The following ANKRD45 variants were observed in gnomAD, a reference collection of about 807,000 sequenced individuals.
ANKRD45 encodes ankyrin repeat domain 45, also known as ankyrin repeat domain-containing protein 45.
Under a neutral mutation model 28.1 loss-of-function variants are expected in ANKRD45, and 21 were observed. The observed-to-expected ratio is 0.75, with a 90% CI of 0.53 to 1.08. The LOEUF is 1.08. Ranked by LOEUF, ANKRD45 falls within the 50% of genes least tolerant of loss-of-function variation. The probability of loss-of-function intolerance (pLI) is 0.00; values close to 1 mark genes in which losing one functional copy is unlikely to be tolerated. For synonymous variants in ANKRD45, 86 were observed against 103.9 expected, an observed-to-expected ratio of 0.83 and a Z score of 1.05; for missense variants, 261 against 308.7, an observed-to-expected ratio of 0.85 and a Z score of 1.16.
At chr1:173,693,712 A>G in the ANKRD45 span, among the ~76,000 whole-genome samples, 1 of 152,246 alleles carries the variant, frequency 6.6e-6, no homozygotes, top group African/African-American at 2.4e-5. Flanking sequence ...TATGGATATA[A>G]AGAGATGTCA....
intron 2 of ANKRD45, among the ~76,000 whole-genome samples, chr1:173,651,195 A>T (rs1558138382): frequency 6.6e-6 from 1 of 152,172 alleles, no homozygotes; most frequent in African/African-American, 2.4e-5. Context: ...GGTAATGCCT[A>T]GGTTTTCTTC....
intron 3 of ANKRD45, chr1:173,637,158 A>G: frequency 2.7e-6 from 2 of 745,556 alleles, no homozygotes; most frequent in Non-Finnish European, 4.2e-6. Context: ...TCTTTACTAA[A>G]ATTTTCCAAA....
the ANKRD45 span, among the ~76,000 whole-genome samples, chr1:173,707,603 G>A: frequency 1.3e-5 from 2 of 152,122 alleles, no homozygotes; most frequent in Non-Finnish European, 2.9e-5. Context: ...AAAGTGCTGG[G>A]ATTACAGGCA....
the ANKRD45 span, among the ~76,000 whole-genome samples, chr1:173,701,667 C>T: frequency 6.6e-6 from 1 of 151,972 alleles, no homozygotes; most frequent in Non-Finnish European, 1.5e-5. Flanking sequence ...CGGGGCCTGT[C>T]GTGAGGTCGG....
rs1261227280 is a variant in ANKRD45 at position 173,608,552 on chromosome 1, CA to C, written c.*1592del. The stretch of plus-strand genomic sequence containing the variant: ...CAGGCTTGTCTCAAACCGCTGACCT[CA>C]GGTGATCCGCCTGCCTTGGCCTCCC... On this transcript the variant is annotated 3_prime_UTR_variant, in exon 6 of 6. Coordinates refer to ENST00000333279, the MANE Select transcript of ANKRD45 (RefSeq NM_198493.3). Among the ~76,000 whole-genome samples, 5 of 151,886 alleles carry C rather than the reference CA, an allele frequency of 3.3e-5. No homozygotes were observed. Among genetic ancestry groups the C allele is most frequent in the Non-Finnish European group, 7.4e-5 (5 of 68,008 alleles).
At chr1:173,674,356 T>A (rs1048856373), upstream of ANKRD45, among the ~76,000 whole-genome samples, 24 of 152,128 alleles carry the variant, frequency 1.6e-4, no homozygotes, top group Non-Finnish European at 2.9e-4. Context: ...TTTGGCTTTT[T>A]TTTTTTCCAC....
chr1:173,697,236 A>T, the ANKRD45 span, among the ~76,000 whole-genome samples: 2 of 152,230 alleles, frequency 1.3e-5, no homozygotes, highest in East Asian at 3.8e-4. Context: ...GCTAGAAAAC[A>T]TTCTTCAGGA....
chr1:173,649,295 T>C (rs532993941), intron 2 of ANKRD45, among the ~76,000 whole-genome samples: 110 of 152,284 alleles, frequency 7.2e-4, no homozygotes, highest in African/African-American at 2.6e-3. Context: ...ATAAGTGTTC[T>C]CAAAAGGGAT....
chr1:173,624,141 T>C (rs1465086104), intron 5 of ANKRD45, among the ~76,000 whole-genome samples: 3 of 151,824 alleles, frequency 2.0e-5, no homozygotes, highest in African/African-American at 4.8e-5. Context: ...TAAATATAAA[T>C]AAAATAAAAT....
chr1:173,688,628 TCCTCTTTCTG>T, the ANKRD45 span, among the ~76,000 whole-genome samples: 4,598 of 134,200 alleles, frequency 0.034, 341 homozygotes, highest in Non-Finnish European at 0.053. Flanking sequence ...CTCCGCCTCT[TCCTCTTTCTG>T]CCTCTTTCCT....
intron 3 of ANKRD45, among the ~76,000 whole-genome samples, chr1:173,632,615 A>G (rs1467876408): frequency 1.3e-5 from 2 of 152,024 alleles, no homozygotes; most frequent in African/African-American, 2.4e-5. Context: ...ACAAAATGCT[A>G]TCAAACTGAA....
chr1:173,627,342 T>C (rs886291602), intron 3 of ANKRD45, among the ~76,000 whole-genome samples, 183 bp from the exon 4 acceptor site: 1 of 152,176 alleles, frequency 6.6e-6, no homozygotes, highest in African/African-American at 2.4e-5. Flanking sequence ...TAGCTCCTTT[T>C]AACATCATAT....
intron 3 of ANKRD45, among the ~76,000 whole-genome samples, chr1:173,637,958 T>C (rs1668528418): frequency 1.3e-5 from 2 of 151,956 alleles, no homozygotes; most frequent in Admixed American, 6.5e-5. Context: ...AGGAATATAG[T>C]TGGATTCTCA....
intron 3 of ANKRD45, among the ~76,000 whole-genome samples, chr1:173,643,157 T>C (rs2102353492): frequency 6.6e-6 from 1 of 151,634 alleles, no homozygotes; most frequent in East Asian, 1.9e-4. Context: ...GTGACTTGTC[T>C]TATTTGCCTG....
rs779323808 is a variant in ANKRD45, at chr1:173,659,340, C to G, written c.79G>C (p.Ala27Pro). 1 of 1,611,524 alleles carries G rather than the reference C, an allele frequency of 6.2e-7. No homozygotes were observed. Among genetic ancestry groups the G allele is most frequent in the Non-Finnish European group, 8.5e-7 (1 of 1,179,070 alleles). Residue 27 changes from alanine (A) to proline (P), a missense_variant, in exon 2 of 6, where the codon GCC (alanine) becomes CCC (proline). Ala to Pro is a conservative substitution (Grantham distance 27). Coordinates refer to ENST00000333279, the MANE Select transcript of ANKRD45 (RefSeq NM_198493.3). ...QQEEENEEEE[A>P]QEPEETGPKN... is the part of the protein sequence containing the mutation. ...GGGCCTGTTTCCTCTGGTTCTTGGG[C>G]TTCTTCTTCTTCATTTTCCTCTTCT... is the stretch of plus-strand genomic sequence containing the variant.
At chr1:173,707,360 C>G in the ANKRD45 span, among the ~76,000 whole-genome samples, 1 of 151,174 alleles carries the variant, frequency 6.6e-6, no homozygotes, top group Non-Finnish European at 1.5e-5. Flanking sequence ...TTAGACAAAG[C>G]CTTGCTCTAT....
At chr1:173,636,450 T>C (rs1480964547) in intron 3 of ANKRD45, among the ~76,000 whole-genome samples, 2 of 152,206 alleles carry the variant, frequency 1.3e-5, no homozygotes. Context: ...AAGAATTAGA[T>C]ATTTATAAAT....
chr1:173,635,521 G>A, intron 3 of ANKRD45: 1 of 1,504,860 alleles, frequency 6.6e-7, no homozygotes, highest in African/African-American at 1.4e-5. Context: ...GACAAAGAAG[G>A]ATGTCTAATC....
chr1:173,658,945 T>C, intron 2 of ANKRD45, 146 bp downstream of exon 2: 1 of 1,160,132 alleles, frequency 8.6e-7, no homozygotes, highest in Admixed American at 3.0e-5. Flanking sequence ...TTTACATGTA[T>C]ACACATACAT....
Sources: allele counts gnomAD v4.1 joint callset (sites outside exome capture counted in the v4.1 genomes callset), GRCh38; gene constraint gnomAD v4.1.1; transcripts MANE v1.5; gene names NCBI Gene and HGNC (gene_info 2026-07-23, HGNC 2026-07-21).